TUSC3: variants seen among roughly 807,000 people sequenced by gnomAD.
The protein encoded by TUSC3 is dolichyl-diphosphooligosaccharide--protein glycosyltransferase subunit TUSC3.
A neutral mutation model predicts 44.8 loss-of-function variants in TUSC3; 45 were observed. The ratio of observed to expected loss-of-function variants is 1.00; its 90% confidence interval spans 0.79 to 1.29. TUSC3 has a LOEUF of 1.29. TUSC3 is among the 50% of genes most tolerant of loss of function. The pLI, the probability that TUSC3 is intolerant of heterozygous loss-of-function variation, is 0.00. For missense variants in TUSC3, 519 were observed against 437.9 expected (o/e 1.19, Z -1.65); for synonymous variants, 212 against 152.9 (o/e 1.39, Z -2.85).
At chr8:15,512,872 G>GTGTGTGTATATATA (rs761482107) in intron 2 of TUSC3, among the ~76,000 whole-genome samples, 2 of 132,284 alleles carry the variant, frequency 1.5e-5, no homozygotes, top group Admixed American at 8.0e-5. Flanking sequence ...ATATGTGTGT[G>GTGTGTGTATATATA]TATATATATA....
intron 1 of TUSC3, among the ~76,000 whole-genome samples, chr8:15,449,820 A>C (rs751937066): frequency 6.6e-6 from 1 of 151,696 alleles, no homozygotes; most frequent in African/African-American, 2.4e-5. Flanking sequence ...TATGTAGGTG[A>C]CCGTTTTTTT....
At chr8:15,650,572 T>G in intron 2 of TUSC3, 125 bp from the exon 3 acceptor site, 1 of 722,512 alleles carries the variant, frequency 1.4e-6, no homozygotes. Context: ...TTTTAAAAAC[T>G]ATGCTTTTCT....
chr8:15,453,134 A>G (rs768470709), intron 1 of TUSC3, among the ~76,000 whole-genome samples: 10 of 152,146 alleles, frequency 6.6e-5, no homozygotes, highest in Middle Eastern at 3.2e-3. Flanking sequence ...TGCTTTTTGT[A>G]AAGGCCAACA....
At chr8:15,639,046 C>T (rs1806233977) in intron 2 of TUSC3, among the ~76,000 whole-genome samples, 1 of 146,348 alleles carries the variant, frequency 6.8e-6, no homozygotes, top group Non-Finnish European at 1.5e-5. Context: ...ATGTTCAGGG[C>T]TCCAGTGATG....
chr8:15,707,859 T>G (rs1417337452), intron 6 of TUSC3, among the ~76,000 whole-genome samples: 1 of 151,842 alleles, frequency 6.6e-6, no homozygotes, highest in East Asian at 1.9e-4. Flanking sequence ...GCGGGGTTGG[T>G]TTTTTTGGAG....
intron 1 of TUSC3, among the ~76,000 whole-genome samples, chr8:15,591,241 TTAAA>T (rs142089487): frequency 0.015 from 2,209 of 152,284 alleles, 49 homozygotes; most frequent in African/African-American, 0.049. Flanking sequence ...AATTAGTTAT[TTAAA>T]TAACTTTTTA....
chr8:15,584,837 T>G (rs1340427296), intron 1 of TUSC3, among the ~76,000 whole-genome samples: 1 of 152,232 alleles, frequency 6.6e-6, no homozygotes, highest in South Asian at 2.1e-4. Context: ...CAGGGTTCTA[T>G]TGGGATTTAT....
At chr8:15,782,839 A>G in the TUSC3 span, among the ~76,000 whole-genome samples, 3 of 152,208 alleles carry the variant, frequency 2.0e-5, no homozygotes, top group Admixed American at 6.5e-5. Flanking sequence ...GTCTACTCTC[A>G]CCACGTGTAT....
the TUSC3 span, among the ~76,000 whole-genome samples, chr8:15,784,502 G>A: frequency 6.6e-6 from 1 of 151,816 alleles, no homozygotes; most frequent in Non-Finnish European, 1.5e-5. Flanking sequence ...ATGTGTATGT[G>A]TGTGTGTGTG....
rs767083293 is a variant in TUSC3 at position 15,457,432 on chromosome 8, A to G, written n.92-25954A>G. Among the ~76,000 whole-genome samples, 230 of 151,982 alleles carry G rather than the reference A, an allele frequency of 1.5e-3. 1 individual carries two copies. The highest frequency in any genetic ancestry group is 2.6e-3 in the Non-Finnish European group (174 of 67,956). On this transcript the variant is annotated intron_variant and non_coding_transcript_variant, in intron 1 of 5. Coordinates refer to the TUSC3 transcript ENST00000503191. Reference sequence around the variant, plus strand: ...TGGTAAAATACAAATCAAGACCATGATGCAAAACTATTTCATAACACTTTC... The same window carrying G: ...TGGTAAAATACAAATCAAGACCATGGTGCAAAACTATTTCATAACACTTTC...
intron 2 of TUSC3, among the ~76,000 whole-genome samples, chr8:15,505,901 A>T (rs2129127614): frequency 6.6e-6 from 1 of 152,298 alleles, no homozygotes; most frequent in Non-Finnish European, 1.5e-5. Flanking sequence ...CCTAAGGAAC[A>T]TATTCTTGCC....
chr8:15,663,393 T>G (rs35302816), intron 5 of TUSC3, among the ~76,000 whole-genome samples: 8,380 of 151,886 alleles, frequency 0.055, 347 homozygotes, highest in Non-Finnish European at 0.08. Context: ...ATTGTCAGTT[T>G]GTTTCTTTTG....
intron 1 of TUSC3, among the ~76,000 whole-genome samples, chr8:15,429,964 G>T (rs1799851967): frequency 6.6e-6 from 1 of 151,534 alleles, no homozygotes; most frequent in Non-Finnish European, 1.5e-5. Flanking sequence ...ACCAATAACA[G>T]CCTCTGAAAT....
chr8:15,598,838 C>G lies in TUSC3; in HGVS notation c.139-24242C>G, dbSNP rs551727289. On this transcript the variant is annotated intron_variant, in intron 1 of 10. Transcript: ENST00000503731. Reference sequence around the variant, plus strand: ...ATGTACCAGTTTATTTACCCATTCACTTACCAGAGGATGTCTTGGTTGCTT... The same window carrying G: ...ATGTACCAGTTTATTTACCCATTCAGTTACCAGAGGATGTCTTGGTTGCTT... Among the ~76,000 whole-genome samples, 33 of 151,820 alleles carry G rather than the reference C, an allele frequency of 2.2e-4. 1 individual carries two copies. The Middle Eastern group carries it at 0.024, about 110-fold the overall frequency.
At chr8:15,582,065 C>T (rs528386643) in intron 1 of TUSC3, among the ~76,000 whole-genome samples, 3 of 152,168 alleles carry the variant, frequency 2.0e-5, no homozygotes, top group East Asian at 3.9e-4. Context: ...GGCAGTGACC[C>T]GATTTTCCAG....
intron 1 of TUSC3, among the ~76,000 whole-genome samples, chr8:15,469,950 G>A (rs1012740625): frequency 6.6e-6 from 1 of 152,122 alleles, no homozygotes; most frequent in African/African-American, 2.4e-5. Context: ...GAAAAATTAT[G>A]AAGACAGTAA....
At chr8:15,733,326 T>G (rs1810797636) in intron 7 of TUSC3, 1 of 378,768 alleles carries the variant, frequency 2.6e-6, no homozygotes, top group Non-Finnish European at 5.1e-6. Context: ...TTAACTCATT[T>G]ATTTAAATAT....
At chr8:15,538,981 C>G (rs1353414416), upstream of TUSC3, among the ~76,000 whole-genome samples, 2 of 151,484 alleles carry the variant, frequency 1.3e-5, no homozygotes, top group Non-Finnish European at 2.9e-5. Flanking sequence ...CTTGGAATAG[C>G]TAGGACTACA....
At chr8:15,617,045 C>G (rs1425552960) in intron 1 of TUSC3, among the ~76,000 whole-genome samples, 9 of 151,412 alleles carry the variant, frequency 5.9e-5, no homozygotes, top group African/African-American at 2.2e-4. Context: ...AATCAGCAGA[C>G]AGAGGGAGGA....
Sources: gnomAD v4.1 joint callset for allele counts (sites outside exome capture counted in the v4.1 genomes callset) on GRCh38, gnomAD v4.1.1 for gene constraint, MANE v1.5 for transcripts, NCBI Gene and HGNC (gene_info 2026-07-23, HGNC 2026-07-21) for gene names.